The following ZNF804B variants were observed in gnomAD, a reference collection of about 807,000 sequenced individuals.
ZNF804B encodes the protein zinc finger 804B.
In ZNF804B, 80 loss-of-function variants were observed where a neutral mutation model predicts 101.4. The ratio of observed to expected loss-of-function variants is 0.79; its 90% CI spans 0.66 to 0.95. The LOEUF (loss-of-function observed/expected upper bound fraction) is 0.95, where lower values mean the gene tolerates loss of function less well. ZNF804B is among the 40% of genes least tolerant of loss of function. The pLI is 0.00. For missense variants in ZNF804B, 1,673 were observed against 1,561.9 expected (o/e 1.07, Z -1.20); for synonymous variants, 622 against 558.8 (o/e 1.11, Z -1.59).
intron 1 of ZNF804B, among the ~76,000 whole-genome samples, chr7:88,883,132 A>C (rs893126615): frequency 6.6e-6 from 1 of 152,104 alleles, no homozygotes; most frequent in African/African-American, 2.4e-5. Flanking sequence ...TGTCACACAA[A>C]AGAAGCATTT....
At chr7:88,880,699 A>G (rs1275027243) in intron 1 of ZNF804B, among the ~76,000 whole-genome samples, 1 of 152,160 alleles carries the variant, frequency 6.6e-6, no homozygotes. Flanking sequence ...CAATTTATAC[A>G]CAATGAGACA....
chr7:88,862,787 T>C (rs1562815645), intron 1 of ZNF804B, among the ~76,000 whole-genome samples: 1 of 151,570 alleles, frequency 6.6e-6, no homozygotes, highest in South Asian at 2.1e-4. Flanking sequence ...ATGTTTACGC[T>C]GTCATTTTTT....
chr7:89,255,122 T>G (rs1013873024), intron 2 of ZNF804B, among the ~76,000 whole-genome samples: 1 of 152,114 alleles, frequency 6.6e-6, no homozygotes. Flanking sequence ...CTTACAGTCA[T>G]GGAGGAAGGA....
intron 1 of ZNF804B, among the ~76,000 whole-genome samples, chr7:88,965,888 C>A (rs2116099911): frequency 6.6e-6 from 1 of 151,452 alleles, no homozygotes; most frequent in South Asian, 2.1e-4. Context: ...AGTGCATAAT[C>A]CTGAATGACA....
chr7:88,788,380 C>T (rs1790333810), intron 1 of ZNF804B, among the ~76,000 whole-genome samples: 1 of 152,086 alleles, frequency 6.6e-6, no homozygotes, highest in South Asian at 2.1e-4. Flanking sequence ...GCTTGCTCCT[C>T]CCCCAGAGCC....
intron 1 of ZNF804B, among the ~76,000 whole-genome samples, chr7:89,171,414 TCTTCTC>T (rs369036296): frequency 0.024 from 2,336 of 97,582 alleles, 96 homozygotes; most frequent in African/African-American, 0.045. Context: ...TTCTTCTTCT[TCTTCTC>T]CTTCTCCTTC....
chr7:89,288,005 T>C (rs1704233021), intron 2 of ZNF804B, among the ~76,000 whole-genome samples: 1 of 151,010 alleles, frequency 6.6e-6, no homozygotes, highest in Non-Finnish European at 1.5e-5. Context: ...ATCATTACAA[T>C]GTTCAGCATA....
At chr7:89,050,068 T>C (rs759916499) in intron 1 of ZNF804B, among the ~76,000 whole-genome samples, 36 of 152,124 alleles carry the variant, frequency 2.4e-4, no homozygotes, top group South Asian at 1.5e-3. Flanking sequence ...GAAAAAGAAA[T>C]AGTTTTTTTC....
At chr7:89,239,438 A>G (rs1789332927) in intron 2 of ZNF804B, among the ~76,000 whole-genome samples, 2 of 151,986 alleles carry the variant, frequency 1.3e-5, no homozygotes, top group Non-Finnish European at 1.5e-5. Flanking sequence ...GCTTTTTCTC[A>G]TGGGTTTTCA....
At chr7:89,229,242 C>G (rs1789149334) in intron 2 of ZNF804B, among the ~76,000 whole-genome samples, 1 of 152,204 alleles carries the variant, frequency 6.6e-6, no homozygotes, top group African/African-American at 2.4e-5. Flanking sequence ...AGAGGAGGCG[C>G]TGAGAGTGAG....
chr7:89,224,264 A>C (rs1789047790), intron 2 of ZNF804B, among the ~76,000 whole-genome samples: 1 of 152,002 alleles, frequency 6.6e-6, no homozygotes, highest in South Asian at 2.1e-4. Context: ...TTTGCTTCAC[A>C]ATAGGATTTA....
chr7:89,215,166 C>A (rs1393291327), intron 1 of ZNF804B, among the ~76,000 whole-genome samples: 1 of 152,140 alleles, frequency 6.6e-6, no homozygotes, highest in African/African-American at 2.4e-5. Flanking sequence ...AGAATATCTG[C>A]ATAATTTCCT....
rs1259849724 is a variant in ZNF804B at position 89,233,412 on chromosome 7, A to AAT, written c.249+15117_249+15118insAT. On this transcript the variant is annotated intron_variant, in intron 2 of 3. Coordinates refer to ENST00000333190, the MANE Select transcript of ZNF804B (RefSeq NM_181646.5). Reference sequence around the variant, plus strand: ...GAACAGAAAAATAAATATATAATGTATTTTTTATGAAATCCTCTTTTGATA... The same window carrying AAT: ...GAACAGAAAAATAAATATATAATGTAATTTTTTTATGAAATCCTCTTTTGATA... Among the ~76,000 whole-genome samples the AAT allele has an allele frequency of 5.5e-3, 821 of 149,476 alleles. 7 individuals carry two copies. Among genetic ancestry groups the AAT allele is most frequent in the African/African-American group, 0.019 (786 of 40,678 alleles).
At chr7:88,990,669 A>G (rs1443209999) in intron 1 of ZNF804B, among the ~76,000 whole-genome samples, 1 of 152,130 alleles carries the variant, frequency 6.6e-6, no homozygotes, top group Non-Finnish European at 1.5e-5. Context: ...AAATATTTTG[A>G]AGCACAGAGT....
intron 2 of ZNF804B, among the ~76,000 whole-genome samples, chr7:89,297,534 G>T (rs1190248100): frequency 6.6e-6 from 1 of 151,978 alleles, no homozygotes; most frequent in African/African-American, 2.4e-5. Flanking sequence ...TATATTTTTT[G>T]AAAGAGTTGA....
intron 1 of ZNF804B, among the ~76,000 whole-genome samples, chr7:88,897,185 CTTAAG>C (rs1210982536): frequency 6.6e-6 from 1 of 152,110 alleles, no homozygotes; most frequent in African/African-American, 2.4e-5. Context: ...TGCAGAGAGG[CTTAAG>C]TTAAGGATCT....
At chr7:89,123,004 A>G (rs906701297) in intron 1 of ZNF804B, among the ~76,000 whole-genome samples, 2 of 151,998 alleles carry the variant, frequency 1.3e-5, no homozygotes, top group African/African-American at 4.8e-5. Flanking sequence ...CCCTGACCGA[A>G]CCCTATGGAC....
chr7:88,806,020 G>A, intron 1 of ZNF804B, among the ~76,000 whole-genome samples: 1 of 151,104 alleles, frequency 6.6e-6, no homozygotes, highest in Non-Finnish European at 1.5e-5. Context: ...GTAAGATAGT[G>A]GCTGATCTAA....
At chr7:89,082,702 C>A (rs893674004) in intron 1 of ZNF804B, among the ~76,000 whole-genome samples, 9 of 151,640 alleles carry the variant, frequency 5.9e-5, no homozygotes, top group Non-Finnish European at 1.2e-4. Flanking sequence ...ACTTTTATGA[C>A]TGATATAAGT....
Sources: gnomAD v4.1 joint callset for allele counts (sites outside exome capture counted in the v4.1 genomes callset) on GRCh38, gnomAD v4.1.1 for gene constraint, MANE v1.5 for transcripts, NCBI Gene and HGNC (gene_info 2026-07-23, HGNC 2026-07-21) for gene names.